GALNT13: variants seen among roughly 807,000 people sequenced by gnomAD.
GALNT13 encodes the protein UDP-GalNAc:polypeptide N-acetylgalactosaminyltransferase 13.
GALNT13 carries 28 observed loss-of-function variants against 64.2 expected under a neutral mutation model. The observed-to-expected ratio is 0.44, with a 90% confidence interval of 0.32 to 0.60. GALNT13 has a LOEUF of 0.60. Among genes scored for constraint, GALNT13 ranks in the 20% least tolerant of loss-of-function variants. The probability of loss-of-function intolerance (pLI) is 0.05; values close to 1 mark genes in which losing one functional copy is unlikely to be tolerated. For missense variants in GALNT13, 577 were observed against 669.8 expected (o/e 0.86, Z 1.53); for synonymous variants, 214 against 224.6 (o/e 0.95, Z 0.42).
At chr2:154,094,404 A>G (rs1378870952) in intron 3 of GALNT13, among the ~76,000 whole-genome samples, 1 of 151,956 alleles carries the variant, frequency 6.6e-6, no homozygotes, top group African/African-American at 2.4e-5. Flanking sequence ...CCAAACTCTT[A>G]TGGTTACTAA....
intron 9 of GALNT13, among the ~76,000 whole-genome samples, chr2:154,305,006 T>C (rs1693652669): frequency 6.6e-6 from 1 of 152,150 alleles, no homozygotes; most frequent in Non-Finnish European, 1.5e-5. Context: ...TGCTTCTCCC[T>C]GAAAAAGGAA....
chr2:153,514,230 A>G, the GALNT13 span, among the ~76,000 whole-genome samples: 2 of 151,982 alleles, frequency 1.3e-5, no homozygotes, highest in African/African-American at 2.4e-5. Context: ...AGCTTCTGAA[A>G]TCATTCTTTA....
Position 153,884,862 on chromosome 2 carries a change from C to G in GALNT13, c.-177+12559C>G, listed in dbSNP as rs1163741552. ...GTGTGTGTATATATGTATATACACA[C>G]ACACACACACACACACACACACATT... is the stretch of plus-strand genomic sequence containing the variant. On this transcript the variant is annotated intron_variant, in intron 1 of 12. Transcript: ENST00000392825. Among the ~76,000 whole-genome samples, 325 of 112,256 alleles carry G rather than the reference C, an allele frequency of 2.9e-3. 7 individuals are homozygous for G. Among genetic ancestry groups the G allele is most frequent in the African/African-American group, 0.012 (296 of 24,166 alleles). 73.6% of individuals were successfully genotyped at this position (112,256 alleles called of 152,430 possible).
the GALNT13 span, among the ~76,000 whole-genome samples, chr2:153,228,364 C>T: frequency 3.9e-5 from 6 of 152,070 alleles, no homozygotes; most frequent in Admixed American, 3.9e-4. Flanking sequence ...AAAAAATACT[C>T]GAAATGCCTG....
chr2:153,297,049 T>C, the GALNT13 span, among the ~76,000 whole-genome samples: 2 of 152,176 alleles, frequency 1.3e-5, no homozygotes, highest in African/African-American at 4.8e-5. Flanking sequence ...AAAGAATTCC[T>C]AACAAAGCAA....
the GALNT13 span, among the ~76,000 whole-genome samples, chr2:153,311,443 GC>G: frequency 6.6e-6 from 1 of 152,184 alleles, no homozygotes; most frequent in Non-Finnish European, 1.5e-5. Context: ...AAACATAACA[GC>G]TTAAAACAAC....
At chr2:153,745,417 G>A in the GALNT13 span, among the ~76,000 whole-genome samples, 17 of 152,158 alleles carry the variant, frequency 1.1e-4, no homozygotes, top group Admixed American at 1.1e-3. Flanking sequence ...GGCTGAGCAT[G>A]TACATTAAGC....
chr2:153,078,593 G>A, the GALNT13 span, among the ~76,000 whole-genome samples: 1 of 152,050 alleles, frequency 6.6e-6, no homozygotes, highest in African/African-American at 2.4e-5. Flanking sequence ...TTACGGGCAT[G>A]AGCCATCACG....
At chr2:154,166,437 A>C (rs1249820096) in intron 4 of GALNT13, among the ~76,000 whole-genome samples, 1 of 152,170 alleles carries the variant, frequency 6.6e-6, no homozygotes, top group Non-Finnish European at 1.5e-5. Flanking sequence ...ATACCATCTC[A>C]CACCAGTTAG....
the GALNT13 span, among the ~76,000 whole-genome samples, chr2:153,156,719 G>A: frequency 6.6e-6 from 1 of 152,090 alleles, no homozygotes; most frequent in Admixed American, 6.6e-5. Flanking sequence ...AGTCCTGATG[G>A]TATTACTGTT....
At chr2:154,330,415 A>G (rs918078913) in intron 9 of GALNT13, among the ~76,000 whole-genome samples, 4 of 152,160 alleles carry the variant, frequency 2.6e-5, no homozygotes, top group South Asian at 2.1e-4. Context: ...TGAAACAAAT[A>G]TAAGTGTTCT....
the GALNT13 span, among the ~76,000 whole-genome samples, chr2:153,396,905 G>A: frequency 6.6e-6 from 1 of 152,070 alleles, no homozygotes; most frequent in African/African-American, 2.4e-5. Flanking sequence ...AGCCAGGAGA[G>A]GCTTCTCCCA....
intron 3 of GALNT13, among the ~76,000 whole-genome samples, chr2:153,954,501 C>G (rs1692430503): frequency 6.6e-6 from 1 of 151,818 alleles, no homozygotes; most frequent in African/African-American, 2.4e-5. Context: ...CCACAATTCA[C>G]TCTGACCCTT....
chr2:153,809,746 G>A, the GALNT13 span, among the ~76,000 whole-genome samples: 55 of 152,014 alleles, frequency 3.6e-4, no homozygotes, highest in Admixed American at 5.9e-4. Flanking sequence ...TATGTACTAC[G>A]CCTTTATATT....
chr2:153,940,130 G>A (rs896696571), intron 2 of GALNT13, among the ~76,000 whole-genome samples: 1 of 151,812 alleles, frequency 6.6e-6, no homozygotes, highest in African/African-American at 2.4e-5. Context: ...TCAGTAAAAG[G>A]CATTTATTTA....
At chr2:153,982,410 T>A (rs1309846191) in intron 3 of GALNT13, among the ~76,000 whole-genome samples, 3 of 152,092 alleles carry the variant, frequency 2.0e-5, no homozygotes. Flanking sequence ...GTACTACCAA[T>A]ATTGTGCTAT....
At chr2:154,377,264 G>C (rs1698042612) in intron 9 of GALNT13, among the ~76,000 whole-genome samples, 1 of 140,566 alleles carries the variant, frequency 7.1e-6, no homozygotes, top group Admixed American at 7.7e-5. Flanking sequence ...TATCTTTTCT[G>C]GGTTGTCTGG....
At chr2:153,670,281 C>T in the GALNT13 span, among the ~76,000 whole-genome samples, 8 of 152,018 alleles carry the variant, frequency 5.3e-5, no homozygotes, top group African/African-American at 1.7e-4. Context: ...CTGGGAGACA[C>T]CTCCCAGTAG....
the GALNT13 span, among the ~76,000 whole-genome samples, chr2:153,252,850 C>T: frequency 6.6e-6 from 1 of 152,196 alleles, no homozygotes; most frequent in South Asian, 2.1e-4. Context: ...GGTACCAGCA[C>T]CACGCTGTTT....
Sources: gnomAD v4.1 joint callset for allele counts (sites outside exome capture counted in the v4.1 genomes callset) on GRCh38, gnomAD v4.1.1 for gene constraint, MANE v1.5 for transcripts, NCBI Gene and HGNC (gene_info 2026-07-23, HGNC 2026-07-21) for gene names.